The following GABRB2 variants were observed in gnomAD, a reference collection of about 807,000 sequenced individuals.
GABRB2 encodes the protein gamma-aminobutyric acid type A receptor subunit beta2.
A neutral mutation model predicts 54.7 loss-of-function variants in GABRB2; 16 were observed. That is an observed-to-expected ratio of 0.29 (90% confidence interval 0.20 to 0.44). GABRB2 has a LOEUF of 0.44. Among genes scored for constraint, GABRB2 ranks in the 20% least tolerant of loss-of-function variants. The pLI, the probability that GABRB2 is intolerant of heterozygous loss-of-function variation, is 1.00. For synonymous variants in GABRB2, 244 were observed against 233.8 expected (o/e 1.04, Z -0.40); for missense variants, 355 against 644.0 (o/e 0.55, Z 4.86).
intron 5 of GABRB2, among the ~76,000 whole-genome samples, chr5:161,386,537 A>C (rs1027367242): frequency 2.0e-5 from 3 of 152,122 alleles, no homozygotes; most frequent in Admixed American, 1.3e-4. Flanking sequence ...GAAAAATATA[A>C]AATTTCATAC....
At chr5:161,504,387 A>T (rs945144584) in intron 3 of GABRB2, among the ~76,000 whole-genome samples, 6 of 152,200 alleles carry the variant, frequency 3.9e-5, no homozygotes, top group Non-Finnish European at 5.9e-5. Flanking sequence ...TTAGATTTTC[A>T]TATCAATGAC....
At chr5:161,503,694 A>G (rs1317691416) in intron 3 of GABRB2, among the ~76,000 whole-genome samples, 1 of 142,306 alleles carries the variant, frequency 7.0e-6, no homozygotes, top group Non-Finnish European at 1.5e-5. Context: ...GGGCAACAAG[A>G]GCGAAATTCC....
intron 9 of GABRB2, among the ~76,000 whole-genome samples, chr5:161,300,363 G>A (rs186008587): frequency 3.5e-4 from 53 of 151,606 alleles, no homozygotes; most frequent in African/African-American, 1.2e-3. Context: ...TTACTTTTTT[G>A]GAGGCCTACT....
At chr5:161,443,332 A>G (rs1350576026) in intron 4 of GABRB2, among the ~76,000 whole-genome samples, 1 of 152,236 alleles carries the variant, frequency 6.6e-6, no homozygotes, top group African/African-American at 2.4e-5. Context: ...ATTTTAAAAT[A>G]CTACAAGTAA....
intron 4 of GABRB2, among the ~76,000 whole-genome samples, chr5:161,425,392 C>T (rs952864654): frequency 2.0e-5 from 3 of 152,036 alleles, no homozygotes; most frequent in African/African-American, 7.2e-5. Context: ...CAATCACCAT[C>T]CTGATCATTC....
intron 2 of GABRB2, among the ~76,000 whole-genome samples, chr5:161,545,542 A>C (rs1760956444): frequency 6.6e-6 from 1 of 151,994 alleles, no homozygotes; most frequent in Non-Finnish European, 1.5e-5. Context: ...CTCTGTCTAC[A>C]TATGCATATG....
chr5:161,498,378 G>A (rs1213069294), intron 3 of GABRB2, among the ~76,000 whole-genome samples: 1 of 151,766 alleles, frequency 6.6e-6, no homozygotes, highest in Non-Finnish European at 1.5e-5. Flanking sequence ...TACTTAAAAT[G>A]GCATAATGCA....
At chr5:161,524,883 T>C (rs1308133228) in intron 3 of GABRB2, among the ~76,000 whole-genome samples, 3 of 151,398 alleles carry the variant, frequency 2.0e-5, no homozygotes, top group Non-Finnish European at 4.4e-5. Context: ...CAATTCTTAT[T>C]TAATTTGAAC....
At chr5:161,505,961 TAAA>T (rs1759593977) in intron 3 of GABRB2, among the ~76,000 whole-genome samples, 1 of 152,066 alleles carries the variant, frequency 6.6e-6, no homozygotes, top group Non-Finnish European at 1.5e-5. Context: ...GATAAGTAAG[TAAA>T]TAAGTAAAAT....
chr5:161,507,230 G>C lies in GABRB2; in HGVS notation c.237+37997C>G, dbSNP rs77495483. On this transcript the variant is annotated intron_variant, in intron 3 of 9. Coordinates refer to ENST00000393959, the MANE Select transcript of GABRB2 (RefSeq NM_001371727.1). ...ATGTAGTATCCTGGATAGGGTACTGGATTGGATCCTGGAACAGAAAAAAAA... is the reference window on the plus strand; with the variant it reads ...ATGTAGTATCCTGGATAGGGTACTGCATTGGATCCTGGAACAGAAAAAAAA... 4.8e-3 allele frequency among the ~76,000 whole-genome samples: 736 copies of C among 152,138 alleles called. 9 individuals are homozygous for C. Among genetic ancestry groups the C allele is most frequent in the African/African-American group, 0.017 (694 of 41,554 alleles).
At chr5:161,525,894 A>G (rs965883176) in intron 3 of GABRB2, among the ~76,000 whole-genome samples, 2 of 151,328 alleles carry the variant, frequency 1.3e-5, no homozygotes, top group African/African-American at 2.4e-5. Flanking sequence ...TTATATATAT[A>G]TGTGTGTAGA....
intron 4 of GABRB2, among the ~76,000 whole-genome samples, chr5:161,419,759 G>A (rs1201367566): frequency 6.6e-6 from 1 of 152,146 alleles, no homozygotes; most frequent in East Asian, 1.9e-4. Context: ...GCTAAAAAAT[G>A]TGTACACATG....
intron 9 of GABRB2, among the ~76,000 whole-genome samples, chr5:161,306,862 T>C (rs760562966): frequency 5.3e-5 from 8 of 152,096 alleles, no homozygotes; most frequent in Non-Finnish European, 1.2e-4. Flanking sequence ...GTCATCAAAA[T>C]AACTCAGTGT....
intron 4 of GABRB2, among the ~76,000 whole-genome samples, chr5:161,434,948 A>C (rs13183893): frequency 0.023 from 3,430 of 152,290 alleles, 60 homozygotes; most frequent in Non-Finnish European, 0.034. Context: ...TTGATGAACA[A>C]GCATGTCCCA....
chr5:161,509,977 A>AT (rs1365269243), intron 3 of GABRB2, among the ~76,000 whole-genome samples: 7 of 151,738 alleles, frequency 4.6e-5, no homozygotes, highest in African/African-American at 1.5e-4. Context: ...ATTTTTAATT[A>AT]TTTTTAGTTT....
intron 4 of GABRB2, among the ~76,000 whole-genome samples, chr5:161,436,153 A>G (rs1271446366): frequency 6.6e-6 from 1 of 152,230 alleles, no homozygotes; most frequent in East Asian, 1.9e-4. Flanking sequence ...GTGTGTAAAA[A>G]TAGCCACCTC....
At chr5:161,445,533 A>C (rs969762913) in intron 4 of GABRB2, among the ~76,000 whole-genome samples, 2 of 152,116 alleles carry the variant, frequency 1.3e-5, no homozygotes, top group African/African-American at 4.8e-5. Flanking sequence ...GACATGTCTC[A>C]TTACAGCCTC....
intron 4 of GABRB2, among the ~76,000 whole-genome samples, chr5:161,437,658 G>A (rs1282846333): frequency 6.6e-6 from 1 of 152,082 alleles, no homozygotes; most frequent in Non-Finnish European, 1.5e-5. Flanking sequence ...TGGGCCAGAG[G>A]GGAGTCCACT....
chr5:161,390,534 T>C (rs973970128), intron 5 of GABRB2, among the ~76,000 whole-genome samples: 1 of 152,064 alleles, frequency 6.6e-6, no homozygotes, highest in Non-Finnish European at 1.5e-5. Context: ...TAAAGACTAG[T>C]CTAGTTAATA....
Sources: gnomAD v4.1 joint callset for allele counts (sites outside exome capture counted in the v4.1 genomes callset) on GRCh38, gnomAD v4.1.1 for gene constraint, MANE v1.5 for transcripts, NCBI Gene and HGNC (gene_info 2026-07-23, HGNC 2026-07-21) for gene names.